The following FAM174A variants were observed in gnomAD, a reference collection of about 807,000 sequenced individuals.
The protein encoded by FAM174A is membrane protein FAM174A.
FAM174A carries 14 observed loss-of-function variants against 14.3 expected under a neutral mutation model. That is an observed-to-expected ratio of 0.98 (90% CI 0.65 to 1.53). The LOEUF (loss-of-function observed/expected upper bound fraction) is 1.53. FAM174A is among the 40% of genes most tolerant of loss of function. FAM174A has a pLI of 0.00. For missense variants in FAM174A, 241 were observed against 249.6 expected, an observed-to-expected ratio of 0.97 and a Z score of 0.23; for synonymous variants, 108 against 111.4, an observed-to-expected ratio of 0.97 and a Z score of 0.19.
chr5:100,576,896 G>T (rs1746915725), intron 2 of FAM174A, among the ~76,000 whole-genome samples: 1 of 152,142 alleles, frequency 6.6e-6, no homozygotes, highest in Non-Finnish European at 1.5e-5. Context: ...TGGACTGTTG[G>T]TAGAATTTTC....
intron 1 of FAM174A, among the ~76,000 whole-genome samples, chr5:100,551,440 G>A (rs534653580): frequency 6.6e-6 from 1 of 152,256 alleles, no homozygotes; most frequent in Admixed American, 6.5e-5. Context: ...CCACTGGCCT[G>A]GTGAAGACTC....
intron 1 of FAM174A, among the ~76,000 whole-genome samples, chr5:100,559,111 G>A (rs1310914823): frequency 6.6e-6 from 1 of 152,052 alleles, no homozygotes; most frequent in Non-Finnish European, 1.5e-5. Context: ...CTTCCTTCAG[G>A]AGCTCATTTA....
At chr5:100,539,396 ATAAAG>A (rs1746007978) in intron 1 of FAM174A, among the ~76,000 whole-genome samples, 1 of 152,158 alleles carries the variant, frequency 6.6e-6, no homozygotes, top group African/African-American at 2.4e-5. Context: ...TATATAGGAA[ATAAAG>A]AATATTAATT....
intron 1 of FAM174A, 118 bp downstream of exon 1, chr5:100,536,082 T>A: frequency 1.1e-6 from 1 of 878,366 alleles, no homozygotes; most frequent in Non-Finnish European, 1.7e-6. Flanking sequence ...GACTCCTGCT[T>A]AAGAATATGA....
chr5:100,545,172 C>T (rs921115070), intron 1 of FAM174A, among the ~76,000 whole-genome samples: 1 of 152,064 alleles, frequency 6.6e-6, no homozygotes, highest in Non-Finnish European at 1.5e-5. Flanking sequence ...GTGAAGACTA[C>T]ATTTAAAAAA....
intron 2 of FAM174A, among the ~76,000 whole-genome samples, chr5:100,579,637 G>A (rs1416993130): frequency 6.6e-6 from 1 of 152,034 alleles, no homozygotes; most frequent in African/African-American, 2.4e-5. Context: ...TGTTGATCAG[G>A]CTGGTCCTGA....
intron 1 of FAM174A, among the ~76,000 whole-genome samples, chr5:100,558,084 A>T (rs1452143190): frequency 1.3e-5 from 2 of 152,074 alleles, no homozygotes; most frequent in Non-Finnish European, 2.9e-5. Flanking sequence ...TAGTGCTATA[A>T]ATTTCCCTCT....
At chr5:100,579,424 G>A (rs994120031) in intron 2 of FAM174A, among the ~76,000 whole-genome samples, 1 of 151,700 alleles carries the variant, frequency 6.6e-6, no homozygotes, top group Non-Finnish European at 1.5e-5. Context: ...ATTATGTAGC[G>A]ATTTTTTTTT....
chr5:100,553,892 A>T (rs1746311837), intron 1 of FAM174A, among the ~76,000 whole-genome samples: 1 of 152,194 alleles, frequency 6.6e-6, no homozygotes, highest in East Asian at 1.9e-4. Context: ...GTAGAGAAGA[A>T]CATCAGATGA....
At chr5:100,582,646 G>T (rs1180343776) in intron 2 of FAM174A, among the ~76,000 whole-genome samples, 5 of 152,158 alleles carry the variant, frequency 3.3e-5, no homozygotes, top group Non-Finnish European at 5.9e-5. Flanking sequence ...TAATAAACTA[G>T]TTAGGCAATA....
chr5:100,560,682 T>G (rs1028357063), intron 1 of FAM174A, among the ~76,000 whole-genome samples: 2 of 152,096 alleles, frequency 1.3e-5, no homozygotes, highest in Non-Finnish European at 2.9e-5. Context: ...ACTGTCATGT[T>G]TGAGGAGTCT....
chr5:100,551,098 T>G (rs1383566750), intron 1 of FAM174A, among the ~76,000 whole-genome samples: 1 of 152,134 alleles, frequency 6.6e-6, no homozygotes, highest in Non-Finnish European at 1.5e-5. Flanking sequence ...AGGAAGCTAT[T>G]TTAGTCAGCA....
intron 2 of FAM174A, among the ~76,000 whole-genome samples, chr5:100,574,942 A>G (rs1420763035): frequency 6.6e-6 from 1 of 152,216 alleles, no homozygotes; most frequent in Non-Finnish European, 1.5e-5. Context: ...CTATGAAATC[A>G]CTAAAAACAT....
intron 2 of FAM174A, among the ~76,000 whole-genome samples, chr5:100,584,449 G>A (rs1408122249): frequency 6.6e-6 from 1 of 151,976 alleles, no homozygotes; most frequent in Non-Finnish European, 1.5e-5. Context: ...CTGGTCTGTT[G>A]CCTCTTGGTC....
chr5:100,565,910 G>A (rs922555491), intron 2 of FAM174A, among the ~76,000 whole-genome samples: 4 of 151,410 alleles, frequency 2.6e-5, no homozygotes, highest in Non-Finnish European at 5.9e-5. Context: ...TTACATGATG[G>A]CAGGCAAGAG....
chr5:100,539,118 T>G (rs1278163481), intron 1 of FAM174A, among the ~76,000 whole-genome samples: 1 of 152,134 alleles, frequency 6.6e-6, no homozygotes, highest in East Asian at 1.9e-4. Flanking sequence ...GCAAGTCTCT[T>G]CCAATTTCAA....
intron 2 of FAM174A, among the ~76,000 whole-genome samples, chr5:100,571,872 C>T (rs1327943082): frequency 6.6e-6 from 1 of 151,822 alleles, no homozygotes; most frequent in Non-Finnish European, 1.5e-5. Context: ...AGCAAAGTCT[C>T]TGATGGCTAT....
intron 1 of FAM174A, among the ~76,000 whole-genome samples, chr5:100,538,921 G>C (rs1436779842): frequency 6.6e-6 from 1 of 152,092 alleles, no homozygotes; most frequent in Non-Finnish European, 1.5e-5. Context: ...AGCACGTATG[G>C]TAATTATATA....
intron 2 of FAM174A, among the ~76,000 whole-genome samples, chr5:100,570,237 T>C (rs1746752471): frequency 6.6e-6 from 1 of 151,864 alleles, no homozygotes; most frequent in South Asian, 2.1e-4. Flanking sequence ...CCTATTACCT[T>C]CTGTGGCTTA....
Sources: gnomAD v4.1 joint callset for allele counts (sites outside exome capture counted in the v4.1 genomes callset) on GRCh38, gnomAD v4.1.1 for gene constraint, MANE v1.5 for transcripts, NCBI Gene and HGNC (gene_info 2026-07-23, HGNC 2026-07-21) for gene names.